CARS2: variants seen among roughly 807,000 people sequenced by gnomAD.
CARS2 encodes the protein probable cysteine--tRNA ligase, mitochondrial.
CARS2 carries 52 observed loss-of-function variants against 68.8 expected under a neutral mutation model. The ratio of observed to expected loss-of-function variants is 0.76; its 90% CI spans 0.61 to 0.95. The LOEUF (loss-of-function observed/expected upper bound fraction) is 0.95, where lower values mean the gene tolerates loss of function less well. CARS2 is among the 40% of genes least tolerant of loss of function. The pLI, the probability that CARS2 is intolerant of heterozygous loss-of-function variation, is 0.00. For synonymous variants in CARS2, 314 were observed against 303.6 expected, an observed-to-expected ratio of 1.03 and a Z score of -0.36; for missense variants, 780 against 754.2, an observed-to-expected ratio of 1.03 and a Z score of -0.40.
At chr13:110,708,916 G>C (rs2139955258), upstream of CARS2, among the ~76,000 whole-genome samples, 1 of 151,970 alleles carries the variant, frequency 6.6e-6, no homozygotes, top group East Asian at 1.9e-4. Context: ...ACCACGCTCA[G>C]CTAATTTTTG....
At chr13:110,690,485 C>T (rs895650246) in intron 3 of CARS2, among the ~76,000 whole-genome samples, 2 of 152,194 alleles carry the variant, frequency 1.3e-5, no homozygotes, top group African/African-American at 2.4e-5. Flanking sequence ...TTCTCTCCCT[C>T]GCAGCACACA....
At chr13:110,663,923 G>A (rs547385343) in intron 8 of CARS2, 30 of 1,000,370 alleles carry the variant, frequency 3.0e-5, no homozygotes, top group Admixed American at 6.0e-5. Flanking sequence ...GGCACTTGGC[G>A]GTGAAGCTTG....
chr13:110,648,532 G>C (rs428440), intron 10 of CARS2: 30,405 of 152,212 alleles, frequency 0.2, 3,902 homozygotes, highest in African/African-American at 0.36. Flanking sequence ...GGTGAAGAAA[G>C]AATGTCTGGG....
rs907423199 is a variant in CARS2, at chr13:110,706,061, G to A, written c.33C>T (p.Gly11=). The A allele has an allele frequency of 1.9e-5, 26 of 1,356,670 alleles. No individual in the cohort carries two copies. The South Asian group carries it at 2.4e-4, about 12-fold the overall frequency. The allele number at this position is 1,356,670 out of a possible 1,614,324, so 84.0% of individuals were successfully genotyped here. ...CCAGCGCGGCCTGGAGCAGCGGGGGGCCCAGGCCTGGGCCGCGCGTAGTCC... is the reference window on the plus strand; with the variant it reads ...CCAGCGCGGCCTGGAGCAGCGGGGGACCCAGGCCTGGGCCGCGCGTAGTCC... MLRTTRGPGL[G]PPLLQAALGL... Residue 11 remains glycine, a synonymous_variant, in exon 1 of 15, where the codon GGC becomes GGT. Transcript: ENST00000257347.
At chr13:110,701,968 AG>A (rs2063799679) in intron 2 of CARS2, among the ~76,000 whole-genome samples, 1 of 152,244 alleles carries the variant, frequency 6.6e-6, no homozygotes, top group Non-Finnish European at 1.5e-5. Flanking sequence ...AATCAAAACA[AG>A]TACGATCCCA....
At chr13:110,697,918 C>T (rs751712737) in intron 3 of CARS2, 4 of 453,574 alleles carry the variant, frequency 8.8e-6, no homozygotes, top group South Asian at 6.3e-5. Flanking sequence ...AGACAGAGAC[C>T]TCAGTGAAAA....
intron 6 of CARS2, among the ~76,000 whole-genome samples, chr13:110,681,548 GAC>G (rs1346668035): frequency 6.6e-6 from 1 of 152,176 alleles, no homozygotes; most frequent in African/African-American, 2.4e-5. Flanking sequence ...GGCAGTTTCT[GAC>G]ACAAATAAGC....
chr13:110,650,080 G>A (rs1312373780), intron 10 of CARS2, among the ~76,000 whole-genome samples: 1 of 151,866 alleles, frequency 6.6e-6, no homozygotes, highest in South Asian at 2.1e-4. Context: ...GAGATTACAG[G>A]TGCATGCCAC....
exon 1 of CARS2, chr13:110,713,393 G>T: frequency 9.7e-7 from 1 of 1,033,862 alleles, no homozygotes; most frequent in Non-Finnish European, 1.2e-6. Flanking sequence ...CCCAGCGGGC[G>T]TGCTGTGCCG....
upstream of CARS2, among the ~76,000 whole-genome samples, chr13:110,706,951 ACAC>A (rs551774778): frequency 3.7e-4 from 54 of 147,348 alleles, 1 homozygote; most frequent in Admixed American, 2.5e-3. Context: ...ACCCTAGCAC[ACAC>A]CACATCAGCA....
chr13:110,695,699 A>T (rs1238773566), intron 3 of CARS2, among the ~76,000 whole-genome samples: 2 of 152,202 alleles, frequency 1.3e-5, no homozygotes, highest in Non-Finnish European at 1.5e-5. Flanking sequence ...ATTTTATATT[A>T]TAAAAAAGGT....
Position 110,705,993 on chromosome 13 carries a change from G to A in CARS2, c.101C>T (p.Ala34Val). ...CCAGGCCCGCCCGCGCCCCCCGCTCGCCGCCCGGCCCGCAGGCCAGTGCCA... is the reference window on the plus strand; with the variant it reads ...CCAGGCCCGCCCGCGCCCCCCGCTCACCGCCCGGCCCGCAGGCCAGTGCCA... ...AGWHWPAGRA[A>V]SGGRGRAWLQ... Residue 34 changes from alanine to valine, a missense_variant, in exon 1 of 15, where the codon GCG becomes GTG. Physicochemically the swap from Ala to Val is moderately conservative, Grantham distance 64 (BLOSUM62 0). Transcript: ENST00000257347. This position sits in a 1 kb window ranked among gnomAD's most constrained non-coding sequence, Gnocchi z 4.0. 6.7e-7 allele frequency: 1 copy of A among 1,500,078 alleles called. No individual in the cohort carries two copies. The highest frequency in any genetic ancestry group is 8.9e-7 in the Non-Finnish European group (1 of 1,129,322). The allele number at this position is 1,500,078 out of a possible 1,614,324, so 92.9% of individuals were successfully genotyped here.
chr13:110,686,086 T>A (rs780597714), intron 5 of CARS2, among the ~76,000 whole-genome samples: 8 of 151,316 alleles, frequency 5.3e-5, no homozygotes, highest in Admixed American at 3.9e-4. Flanking sequence ...GCACATGCCC[T>A]GGGGACAAGT....
chr13:110,658,626 T>A (rs565758130), intron 9 of CARS2, among the ~76,000 whole-genome samples: 2 of 152,172 alleles, frequency 1.3e-5, no homozygotes, highest in Non-Finnish European at 2.9e-5. Flanking sequence ...ATTTTGGGGA[T>A]AACTGGAGAA....
chr13:110,682,818 G>A (rs1005254185), intron 6 of CARS2, among the ~76,000 whole-genome samples: 1 of 152,184 alleles, frequency 6.6e-6, no homozygotes, highest in African/African-American at 2.4e-5. Flanking sequence ...CCAGGGAATG[G>A]AGCCAGGCAC....
intron 1 of CARS2, chr13:110,712,856 C>T (rs980643860): frequency 8.2e-7 from 1 of 1,220,688 alleles, no homozygotes; most frequent in Admixed American, 2.0e-5. Context: ...TCTCAGGCCC[C>T]TTTGTCTCCA....
At chr13:110,666,740 A>G (rs1425404155) in intron 8 of CARS2, 1 of 985,280 alleles carries the variant, frequency 1.0e-6, no homozygotes, top group East Asian at 1.1e-4. Context: ...ATCACTACCA[A>G]ACACTCTTTA....
At position 110,641,603 on chromosome 13, in the gene CARS2, T is replaced by G. The variant is rs1594195081; in HGVS notation, c.1629A>C (p.Arg543Ser). Residue 543 changes from arginine to serine, a missense_variant, in exon 15 of 15, where the codon AGA becomes AGC. Coordinates refer to ENST00000257347, the MANE Select transcript of CARS2 (RefSeq NM_024537.4). ...LTAHGINIKDRSSTTSTWELL... is the reference protein window; with the variant it reads ...LTAHGINIKDSSSTTSTWELL... ...GTTCCCACGTGGATGTTGTACTGCT[T>G]CTGTCCTGGAGAAGAAGAGTGAGGT... 6.2e-7 allele frequency: 1 copy of G among 1,613,560 alleles called. No homozygotes were observed. Among genetic ancestry groups the G allele is most frequent in the Non-Finnish European group, 8.5e-7 (1 of 1,179,538 alleles).
intron 3 of CARS2, among the ~76,000 whole-genome samples, chr13:110,700,839 G>A (rs2063763481): frequency 1.3e-5 from 2 of 152,244 alleles, no homozygotes; most frequent in African/African-American, 2.4e-5. Context: ...GGGGCCAGGG[G>A]AGGGAGTAAG....
Sources: gnomAD v4.1 joint callset for allele counts (sites outside exome capture counted in the v4.1 genomes callset) on GRCh38, gnomAD v4.1.1 for gene constraint, Gnocchi (gnomAD v3.1) non-coding constraint, MANE v1.5 for transcripts, NCBI Gene and HGNC (gene_info 2026-07-23, HGNC 2026-07-21) for gene names.